The following PCDHGB4 variants were observed in gnomAD, a reference collection of about 807,000 sequenced individuals.
PCDHGB4 encodes the protein protocadherin gamma-B4.
PCDHGB4 carries 38 observed loss-of-function variants against 60.5 expected under a neutral mutation model. The observed-to-expected ratio is 0.63, with a 90% CI of 0.48 to 0.82. PCDHGB4 has a LOEUF of 0.82. Among genes scored for constraint, PCDHGB4 ranks in the 40% least tolerant of loss-of-function variants. The pLI, the probability that PCDHGB4 is intolerant of heterozygous loss-of-function variation, is 0.00. For synonymous variants in PCDHGB4, 456 were observed against 509.7 expected (o/e 0.89, Z 1.42); for missense variants, 1,109 against 1,209.6 (o/e 0.92, Z 1.23).
At position 141,477,751 on chromosome 5, in the gene PCDHGB4, G is replaced by T; in HGVS notation, c.2398-17056G>T. 1.2e-6 allele frequency: 2 copies of T among 1,613,830 alleles called. No homozygotes were observed. Among genetic ancestry groups the T allele is most frequent in the Non-Finnish European group, 1.7e-6 (2 of 1,180,022 alleles). On this transcript the variant is annotated intron_variant, in intron 1 of 3. Coordinates refer to ENST00000519479, the MANE Select transcript of PCDHGB4 (RefSeq NM_003736.4). This position sits in a 1 kb window ranked among gnomAD's most constrained non-coding sequence, Gnocchi z 4.9. ...CTCATATCAGCGATGGGGGCACCCC[G>T]GTCCTAGCCACCAACATCAGCGTGA...
chr5:141,457,417 CTTTT>C (rs894846890), intron 1 of PCDHGB4, among the ~76,000 whole-genome samples: 4 of 152,180 alleles, frequency 2.6e-5, no homozygotes, highest in Admixed American at 2.6e-4. Context: ...TTACCCATCC[CTTTT>C]TCCCCCCCAC....
chr5:141,466,223 T>C (rs1313406487), intron 1 of PCDHGB4, among the ~76,000 whole-genome samples: 1 of 152,096 alleles, frequency 6.6e-6, no homozygotes, highest in African/African-American at 2.4e-5. Context: ...CAGGCTGGAG[T>C]GCAGTGGCAC....
In PCDHGB4 at chr5:141,393,378, G is replaced by A. The variant is rs1207426335; in HGVS notation, c.2397+3097G>A. On this transcript the variant is annotated intron_variant, in intron 1 of 3. Coordinates refer to ENST00000519479, the MANE Select transcript of PCDHGB4 (RefSeq NM_003736.4). ...GGACGTGCAGACTGGAGACAATGGA[G>A]CCATAAACCCAGAGCTGGTGCTGGA... The A allele has an allele frequency of 1.9e-6, 3 of 1,613,982 alleles. No individual in the cohort carries two copies. The highest frequency in any genetic ancestry group is 2.2e-5 in the East Asian group (1 of 44,866).
intron 1 of PCDHGB4, chr5:141,422,201 G>T (rs764621323): frequency 1.9e-6 from 3 of 1,562,386 alleles, no homozygotes; most frequent in Admixed American, 2.0e-5. Flanking sequence ...GGCCAAGATG[G>T]TGGAGGTCTC....
rs1376914747 is a variant in PCDHGB4, at chr5:141,432,008, A to T, written c.2397+41727A>T. On this transcript the variant is annotated intron_variant, in intron 1 of 3. Coordinates refer to ENST00000519479, the MANE Select transcript of PCDHGB4 (RefSeq NM_003736.4). This position sits in a 1 kb window ranked among gnomAD's most constrained non-coding sequence, Gnocchi z 6.0. ...AGTCTTGGATAGGGAACAGGTTCCT[A>T]GCTACAACATCACAGTGACCGCCAC... 1 of 1,614,200 alleles carries T rather than the reference A, an allele frequency of 6.2e-7. No homozygotes were observed. The highest frequency in any genetic ancestry group is 2.2e-5 in the East Asian group (1 of 44,888).
chr5:141,409,018 G>T lies in PCDHGB4; in HGVS notation c.2397+18737G>T, dbSNP rs369210340. The T allele has an allele frequency of 4.0e-5, 64 of 1,613,814 alleles. No individual in the cohort carries two copies. The Admixed American group carries it at 1.1e-3, about 27-fold the overall frequency. ...TGACAGCCACTGACCAGGATGAGGG[G>T]GTCAATGCTGAGATAAACTACTACT... On this transcript the variant is annotated intron_variant, in intron 1 of 3. Transcript: ENST00000519479.
Position 141,429,387 on chromosome 5 carries a change from TAAA to T in PCDHGB4, c.2397+39112_2397+39114del, listed in dbSNP as rs11410533. Among the ~76,000 whole-genome samples, 27 of 151,446 alleles carry T rather than the reference TAAA, an allele frequency of 1.8e-4. No homozygotes were observed. In the East Asian group the frequency reaches 1.9e-3, roughly 11 times the overall value. ...AAATGGAGAAAATGTGTTTTTTTTTTAAAAAAAATTGAGATTAAGGTCTCATTA... is the reference window on the plus strand; with the variant it reads ...AAATGGAGAAAATGTGTTTTTTTTTTAAAAATTGAGATTAAGGTCTCATTA... On this transcript the variant is annotated intron_variant, in intron 1 of 3. Coordinates refer to ENST00000519479, the MANE Select transcript of PCDHGB4 (RefSeq NM_003736.4).
intron 1 of PCDHGB4, among the ~76,000 whole-genome samples, chr5:141,454,607 T>C (rs1207742002): frequency 6.6e-6 from 1 of 151,574 alleles, no homozygotes; most frequent in Non-Finnish European, 1.5e-5. Flanking sequence ...GGTTTCTCCA[T>C]GTTGGTCAGG....
chr5:141,468,814 C>G (rs2099180978), intron 1 of PCDHGB4, among the ~76,000 whole-genome samples: 1 of 151,814 alleles, frequency 6.6e-6, no homozygotes, highest in African/African-American at 2.4e-5. Context: ...TGCAGTGAGC[C>G]AAGATCAAGC....
At chr5:141,410,619 C>T (rs757187051) in intron 1 of PCDHGB4, 8 of 1,603,614 alleles carry the variant, frequency 5.0e-6, no homozygotes, top group Admixed American at 3.3e-5. Flanking sequence ...ACTCTGACTT[C>T]GGTGAGTTTC....
chr5:141,477,642 A>G lies in PCDHGB4; in HGVS notation c.2398-17165A>G, dbSNP rs767152121. On this transcript the variant is annotated intron_variant, in intron 1 of 3. Transcript: ENST00000519479. The surrounding 1 kb of genome is among the most constrained non-coding windows in gnomAD (Gnocchi z 4.9). ...GCTGAAACCGGGCTAGTGGGTCGCT[A>G]TTTCACAATAAATCGTGACAATGGC... 9 of 1,614,136 alleles carry G rather than the reference A, an allele frequency of 5.6e-6. No individual in the cohort carries two copies. Among genetic ancestry groups the G allele is most frequent in the Non-Finnish European group, 7.6e-6 (9 of 1,180,022 alleles).
At chr5:141,452,240 C>G (rs1365703172) in intron 1 of PCDHGB4, among the ~76,000 whole-genome samples, 1 of 152,084 alleles carries the variant, frequency 6.6e-6, no homozygotes, top group Non-Finnish European at 1.5e-5. Flanking sequence ...TTCTTGTGTC[C>G]TTTTGCCATA....
intron 1 of PCDHGB4, among the ~76,000 whole-genome samples, chr5:141,492,167 C>T (rs565536989): frequency 6.6e-6 from 1 of 152,344 alleles, no homozygotes; most frequent in East Asian, 1.9e-4. Context: ...CCTATCCCCG[C>T]ATCACCCAAC....
rs1032814206 is a variant in PCDHGB4, at chr5:141,472,764, T to A, written c.2398-22043T>A. Among the ~76,000 whole-genome samples, 12 of 152,040 alleles carry A rather than the reference T, an allele frequency of 7.9e-5. No individual in the cohort carries two copies. The East Asian group carries it at 2.1e-3, about 27-fold the overall frequency. ...ACTTTGGGAGGCGGAGGCTGGCAGATCACCTGAGGTTGGGAGTTCAAGATC... is the reference window on the plus strand; with the variant it reads ...ACTTTGGGAGGCGGAGGCTGGCAGAACACCTGAGGTTGGGAGTTCAAGATC... On this transcript the variant is annotated intron_variant, in intron 1 of 3. Coordinates refer to ENST00000519479, the MANE Select transcript of PCDHGB4 (RefSeq NM_003736.4).
intron 2 of PCDHGB4, among the ~76,000 whole-genome samples, chr5:141,497,879 G>T (rs62379207): frequency 2.0e-5 from 3 of 152,128 alleles, no homozygotes; most frequent in Admixed American, 6.5e-5. Flanking sequence ...TGAAATAAGC[G>T]TTAGGATCTA....
chr5:141,421,388 G>A (rs369403750), intron 1 of PCDHGB4: 1 of 1,613,934 alleles, frequency 6.2e-7, no homozygotes, highest in Non-Finnish European at 8.5e-7. Context: ...AAGGACCTGG[G>A]GCTGGAGCCC....
chr5:141,399,260 T>A (rs2093776436), intron 1 of PCDHGB4: 1 of 1,613,614 alleles, frequency 6.2e-7, no homozygotes, highest in South Asian at 1.1e-5. Context: ...AATGGGGAGG[T>A]TAATTGTCAA....
At position 141,389,262 on chromosome 5, in the gene PCDHGB4, G is replaced by A. The variant is rs1017721134; in HGVS notation, c.1378G>A (p.Ala460Thr). The change falls in exon 1 of 4, where the codon GCC (alanine) becomes ACC (threonine). Residue 460 changes from alanine to threonine, a missense_variant. By Grantham distance (58) the Ala-to-Thr change is moderately conservative. This residue lies in a region of PCDHGB4 where 1,068 missense variants were observed against 1,089.9 expected (regional missense o/e 0.98). Coordinates refer to ENST00000519479, the MANE Select transcript of PCDHGB4 (RefSeq NM_003736.4). Reference sequence around the variant, plus strand: ...ACAGTCTTCCTATATAGTCCACGTGGCCGAGAACAACCCGCCTGGAGCCTC... The same window carrying A: ...ACAGTCTTCCTATATAGTCCACGTGACCGAGAACAACCCGCCTGGAGCCTC... ...FSQSSYIVHVAENNPPGASIS... is the reference protein window; with the variant it reads ...FSQSSYIVHVTENNPPGASIS... 5 of 1,613,910 alleles carry A rather than the reference G, an allele frequency of 3.1e-6. No individual in the cohort carries two copies. The highest frequency in any genetic ancestry group is 1.3e-5 in the African/African-American group (1 of 74,940).
Position 141,427,885 on chromosome 5 carries a change from ACCAGGGCTCGC to A in PCDHGB4, c.2397+37607_2397+37617del, listed in dbSNP as rs772694818. 4 of 1,565,134 alleles carry A rather than the reference ACCAGGGCTCGC, an allele frequency of 2.6e-6. No homozygotes were observed. In the East Asian group the frequency reaches 6.7e-5, roughly 26 times the overall value. ...TTCGAGCTCACGATGCAGGCCCACGACCAGGGCTCGCCCGCGCTCAGCGCCAACATGAGCCG... is the reference window on the plus strand; with the variant it reads ...TTCGAGCTCACGATGCAGGCCCACGACCGCGCTCAGCGCCAACATGAGCCG... On this transcript the variant is annotated intron_variant, in intron 1 of 3. Coordinates refer to ENST00000519479, the MANE Select transcript of PCDHGB4 (RefSeq NM_003736.4).
Sources: gnomAD v4.1 joint callset for allele counts (sites outside exome capture counted in the v4.1 genomes callset) on GRCh38, gnomAD v4.1.1 for gene constraint, gnomAD v4.1.1 regional missense constraint, Gnocchi (gnomAD v3.1) non-coding constraint, MANE v1.5 for transcripts, NCBI Gene and HGNC (gene_info 2026-07-23, HGNC 2026-07-21) for gene names.